Variants in NRG3 observed in about 807,000 individuals in gnomAD.
The protein encoded by NRG3 is pro-neuregulin-3, membrane-bound isoform.
NRG3 carries 31 observed loss-of-function variants against 66.9 expected under a neutral mutation model. That is an observed-to-expected ratio of 0.46 (90% CI 0.35 to 0.63). NRG3 has a LOEUF of 0.63. NRG3 is among the 20% of genes least tolerant of loss of function. The pLI, the probability that NRG3 is intolerant of heterozygous loss-of-function variation, is 0.00. For synonymous variants in NRG3, 393 were observed against 359.4 expected, an observed-to-expected ratio of 1.09 and a Z score of -1.06; for missense variants, 910 against 878.9, an observed-to-expected ratio of 1.04 and a Z score of -0.45.
At chr10:82,039,890 G>A (rs1043470883) in intron 1 of NRG3, among the ~76,000 whole-genome samples, 20 of 152,032 alleles carry the variant, frequency 1.3e-4, no homozygotes, top group African/African-American at 4.3e-4. Flanking sequence ...CCCTGTTCAG[G>A]GATATGGGAA....
chr10:82,719,870 CT>C (rs909833208), intron 2 of NRG3, among the ~76,000 whole-genome samples: 1 of 152,106 alleles, frequency 6.6e-6, no homozygotes, highest in Admixed American at 6.6e-5. Flanking sequence ...CCAACTCTTG[CT>C]TTCTCAGTAT....
chr10:82,609,122 A>G (rs1013104510), intron 2 of NRG3, among the ~76,000 whole-genome samples: 1 of 152,202 alleles, frequency 6.6e-6, no homozygotes, highest in Non-Finnish European at 1.5e-5. Flanking sequence ...GTGATTGACA[A>G]ATTTATGACG....
intron 1 of NRG3, among the ~76,000 whole-genome samples, chr10:82,238,399 C>T (rs1342352489): frequency 6.6e-6 from 1 of 151,978 alleles, no homozygotes; most frequent in Non-Finnish European, 1.5e-5. Context: ...CATGAGGTGA[C>T]AACTATTATC....
intron 1 of NRG3, among the ~76,000 whole-genome samples, chr10:82,214,120 A>C (rs374085796): frequency 6.6e-6 from 1 of 151,780 alleles, no homozygotes; most frequent in East Asian, 1.9e-4. Flanking sequence ...ATTCACTGAG[A>C]CTCCCTTCCC....
At position 82,018,726 on chromosome 10, in the gene NRG3, GCTCT is replaced by G. The variant is rs1424557681; in HGVS notation, c.823+142566_823+142569del. 2.0e-5 allele frequency among the ~76,000 whole-genome samples: 3 copies of G among 151,756 alleles called. No homozygotes were observed. The East Asian group carries it at 5.8e-4, about 29-fold the overall frequency. ...TGAATGGGAGTTCACTCATGATTTG[GCTCT>G]CTATTTGTCTGTTATTGGTGTATAA... On this transcript the variant is annotated intron_variant, in intron 1 of 8. Transcript: ENST00000372141.
At chr10:82,064,183 A>C (rs2064316928) in intron 1 of NRG3, among the ~76,000 whole-genome samples, 1 of 152,228 alleles carries the variant, frequency 6.6e-6, no homozygotes, top group Admixed American at 6.5e-5. Context: ...ACCAAGAGTC[A>C]AAATAACTCT....
At chr10:81,908,008 G>T (rs919740338) in intron 1 of NRG3, among the ~76,000 whole-genome samples, 1 of 152,036 alleles carries the variant, frequency 6.6e-6, no homozygotes, top group African/African-American at 2.4e-5. Flanking sequence ...GAAGACAAAG[G>T]CCCTCTTTAA....
chr10:82,407,716 G>A (rs1310765282), intron 2 of NRG3, among the ~76,000 whole-genome samples: 1 of 152,106 alleles, frequency 6.6e-6, no homozygotes. Context: ...AATGGAGCTA[G>A]ACATTCAGTG....
At position 82,602,229 on chromosome 10, in the gene NRG3, T is replaced by C. The variant is rs190524303; in HGVS notation, c.954-136348T>C. Among the ~76,000 whole-genome samples, 176 of 152,264 alleles carry C rather than the reference T, an allele frequency of 1.2e-3. 2 individuals are homozygous for C. Among genetic ancestry groups the C allele is most frequent in the Non-Finnish European group, 6.6e-4 (45 of 68,010 alleles). On this transcript the variant is annotated intron_variant, in intron 2 of 8. Transcript: ENST00000372141. ...GAAATTTTCCCATTAATATGTTTCT[T>C]CTCTGGCCTACTGGGTTTGCAAAGA...
chr10:82,691,203 CA>C (rs2054899240), intron 2 of NRG3, among the ~76,000 whole-genome samples: 1 of 152,126 alleles, frequency 6.6e-6, no homozygotes, highest in Non-Finnish European at 1.5e-5. Flanking sequence ...AAATGTCCCC[CA>C]AGTCCCTACC....
In NRG3 at chr10:82,910,725, T is replaced by C. The variant is rs542086650; in HGVS notation, c.1055-40744T>C. On this transcript the variant is annotated intron_variant, in intron 4 of 8. Coordinates refer to ENST00000372141, the MANE Select transcript of NRG3 (RefSeq NM_001010848.4). ...TTTCCCCCAAATATGACTTCATTAA[T>C]TTGGCCATGTGACCAGGGTATCCTT... Among the ~76,000 whole-genome samples the C allele has an allele frequency of 5.9e-5, 9 of 152,360 alleles. No individual in the cohort carries two copies. The East Asian group carries it at 1.7e-3, about 29-fold the overall frequency.
At chr10:81,966,527 T>A (rs1019287993) in intron 1 of NRG3, among the ~76,000 whole-genome samples, 2 of 152,046 alleles carry the variant, frequency 1.3e-5, no homozygotes. Context: ...CCCAGGCTGG[T>A]CTTGAACTCT....
rs182639575 is a variant in NRG3 at position 82,506,875 on chromosome 10, T to C, written c.953+148007T>C. Among the ~76,000 whole-genome samples, 141 of 152,350 alleles carry C rather than the reference T, an allele frequency of 9.3e-4. 1 individual carries two copies. The highest frequency in any genetic ancestry group is 3.4e-3 in the Middle Eastern group (1 of 294). ...ATGTCTATTCCTAAGGAAGTAATTT[T>C]CCTGATTGTAGCTGTGATCACGTCT... On this transcript the variant is annotated intron_variant, in intron 2 of 8. Transcript: ENST00000372141.
intron 3 of NRG3, among the ~76,000 whole-genome samples, chr10:82,792,622 T>C (rs1025349868): frequency 6.6e-6 from 1 of 152,136 alleles, no homozygotes; most frequent in Admixed American, 6.6e-5. Flanking sequence ...ATATTGTGAC[T>C]AGTTTTTGAA....
chr10:82,090,187 T>C (rs2065943716), intron 1 of NRG3, among the ~76,000 whole-genome samples: 1 of 152,230 alleles, frequency 6.6e-6, no homozygotes, highest in Non-Finnish European at 1.5e-5. Context: ...TTTAATTTGC[T>C]GTGGTTTCCA....
intron 7 of NRG3, among the ~76,000 whole-genome samples, chr10:82,976,900 A>C (rs2132624005): frequency 6.6e-6 from 1 of 152,232 alleles, no homozygotes; most frequent in South Asian, 2.1e-4. Flanking sequence ...TTGTCCCTTA[A>C]GTCAGAGGGA....
intron 3 of NRG3, among the ~76,000 whole-genome samples, chr10:82,766,635 T>G (rs1283775682): frequency 6.6e-6 from 1 of 152,138 alleles, no homozygotes; most frequent in African/African-American, 2.4e-5. Context: ...TAGAGTTATC[T>G]TGTAGTTCAG....
At chr10:82,515,876 A>G (rs1220559164) in intron 2 of NRG3, among the ~76,000 whole-genome samples, 3 of 152,242 alleles carry the variant, frequency 2.0e-5, no homozygotes, top group Middle Eastern at 6.8e-3. Context: ...ACTTTTGTGT[A>G]TGTTTTTTAA....
intron 1 of NRG3, among the ~76,000 whole-genome samples, chr10:82,099,984 A>AATAT (rs3036603): frequency 0.41 from 60,341 of 145,726 alleles, 13,165 homozygotes; most frequent in South Asian, 0.53. Flanking sequence ...CCCTGTCTCT[A>AATAT]ATATATATAT....
Sources: allele counts gnomAD v4.1 joint callset (sites outside exome capture counted in the v4.1 genomes callset), GRCh38; gene constraint gnomAD v4.1.1; transcripts MANE v1.5; gene names NCBI Gene and HGNC (gene_info 2026-07-23, HGNC 2026-07-21).